Variants in HNRNPU observed in about 807,000 individuals in gnomAD.
HNRNPU encodes heterogeneous nuclear ribonucleoprotein U.
Under a neutral mutation model 94.7 loss-of-function variants are expected in HNRNPU, and 5 were observed. That is an observed-to-expected ratio of 0.05 (90% CI 0.03 to 0.11). HNRNPU has a LOEUF of 0.11. Ranked by LOEUF, HNRNPU falls within the 10% of genes least tolerant of loss-of-function variation. The probability of loss-of-function intolerance (pLI) is 1.00; values close to 1 mark genes in which losing one functional copy is unlikely to be tolerated. For missense variants in HNRNPU, 710 were observed against 1,049.2 expected (o/e 0.68, Z 4.47); for synonymous variants, 434 against 381.6 (o/e 1.14, Z -1.60).
chr1:244,854,890 G>T, intron 13 of HNRNPU, 83 bp downstream of exon 13: 1 of 1,127,022 alleles, frequency 8.9e-7, no homozygotes, highest in Non-Finnish European at 1.4e-6. Flanking sequence ...TTCAATCCCT[G>T]AACAAGATCT....
In HNRNPU at chr1:244,856,161, G is replaced by A. The variant is rs1424457995; in HGVS notation, c.1913-3C>T. 1 of 1,599,842 alleles carries A rather than the reference G, an allele frequency of 6.3e-7. No individual in the cohort carries two copies. The highest frequency in any genetic ancestry group is 8.5e-7 in the Non-Finnish European group (1 of 1,175,448). ...TACCTCTGGGAGGGTAAAGTTTCCT[G>A]CAGGAAACAAAGTCATATTATTAAT... On this transcript the variant is annotated splice_region_variant and splice_polypyrimidine_tract_variant and intron_variant, in intron 10 of 13. Transcript: ENST00000640218.
In HNRNPU at chr1:244,855,008, T is replaced by A. The variant is rs755483933; in HGVS notation, c.2389A>T (p.Asn797Tyr). The change falls in exon 13 of 14, where the codon AAT (asparagine) becomes TAT (tyrosine). Residue 797 changes from asparagine to tyrosine, a missense_variant. Around this residue, in one of 8 missense-constraint regions of HNRNPU, gnomAD observed 152 missense variants for 238.9 expected, o/e 0.64. Transcript: ENST00000640218. Reference sequence around the variant, plus strand: ...CACTGGTTGTAGCCCTGAGATTGATTTTTGTAGCCACGATTGTTTCCTCGT... The same window carrying A: ...CACTGGTTGTAGCCCTGAGATTGATATTTGTAGCCACGATTGTTTCCTCGT... Reference protein sequence around the residue: ...RGRGNNRGYKNQSQGYNQWQQ... With the variant: ...RGRGNNRGYKYQSQGYNQWQQ... 1 of 1,613,972 alleles carries A rather than the reference T, an allele frequency of 6.2e-7. No individual in the cohort carries two copies. Among genetic ancestry groups the A allele is most frequent in the South Asian group, 1.1e-5 (1 of 91,078 alleles).
rs896290678 is a variant in HNRNPU, at chr1:244,853,957, TAC to T, written c.*491_*492del. ...TTACCCCCTCCACTACCCAGCAAACTACAGAGAGGATGGAGTGTAATATGAGC... is the reference window on the plus strand; with the variant it reads ...TTACCCCCTCCACTACCCAGCAAACTAGAGAGGATGGAGTGTAATATGAGC... On this transcript the variant is annotated 3_prime_UTR_variant, in exon 14 of 14. Transcript: ENST00000640218. The T allele has an allele frequency of 1.2e-3, 182 of 153,334 alleles. No individual in the cohort carries two copies. Among genetic ancestry groups the T allele is most frequent in the African/African-American group, 3.1e-3 (128 of 41,554 alleles). The allele number at this position is 153,334 out of a possible 1,614,324, so 9.5% of individuals were successfully genotyped here. A position where few individuals can be genotyped will look rare whatever the true frequency, so the allele number is the denominator to read the frequency against.
Position 244,855,907 on chromosome 1 carries a change from C to T in HNRNPU, c.2164G>A (p.Gly722Arg), listed in dbSNP as rs1475137624. The change falls in exon 11 of 14, where the codon GGA (glycine) becomes AGA (arginine). Residue 722 changes from glycine (G) to arginine (R), a missense_variant. Coordinates refer to ENST00000640218, the MANE Select transcript of HNRNPU (RefSeq NM_031844.3). The stretch of plus-strand genomic sequence containing the variant: ...AGAACACTCAAAATTAACTTGCCTC[C>T]TCCTCTGAAATTTCCACCACGCATA... Reference protein sequence around the residue: ...FNMRGGNFRGGAPGNRGGYNR... With the variant: ...FNMRGGNFRGRAPGNRGGYNR... 4.3e-6 allele frequency: 7 copies of T among 1,613,456 alleles called. No homozygotes were observed. The highest frequency in any genetic ancestry group is 5.9e-6 in the Non-Finnish European group (7 of 1,179,760).
In HNRNPU at chr1:244,852,092, G is replaced by A. The variant is rs1680562792; in HGVS notation, c.*2358C>T. Reference sequence around the variant, plus strand: ...TGTTCAGAGTTTTGCTTGCCATTAGGGAGGCAAGGGAAGGATGAGCAATAA... The same window carrying A: ...TGTTCAGAGTTTTGCTTGCCATTAGAGAGGCAAGGGAAGGATGAGCAATAA... On this transcript the variant is annotated 3_prime_UTR_variant, in exon 14 of 14. Transcript: ENST00000640218. 6.6e-6 allele frequency: 1 copy of A among 152,086 alleles called. No homozygotes were observed. Among genetic ancestry groups the A allele is most frequent in the Non-Finnish European group, 1.5e-5 (1 of 68,016 alleles). 9.4% of individuals were successfully genotyped at this position (152,086 alleles called of 1,614,324 possible). A position where few individuals can be genotyped will look rare whatever the true frequency, so the allele number is the denominator to read the frequency against.
rs1193227922 is a variant in HNRNPU at position 244,855,060 on chromosome 1, A to T, written c.2353-16T>A. 4 of 1,604,022 alleles carry T rather than the reference A, an allele frequency of 2.5e-6. No individual in the cohort carries two copies. The highest frequency in any genetic ancestry group is 3.4e-6 in the Non-Finnish European group (4 of 1,170,978). ...CTCTGAAGTTCTACAAAAAGGAAAT[A>T]CTCTCTAAGAGCTCTGAGCCCAATT... On this transcript the variant is annotated splice_polypyrimidine_tract_variant and intron_variant, in intron 12 of 13. Coordinates refer to ENST00000640218, the MANE Select transcript of HNRNPU (RefSeq NM_031844.3).
rs929910323 is a variant in HNRNPU, at chr1:244,852,435, A to C, written c.*2015T>G. 7.2e-5 allele frequency: 11 copies of C among 152,204 alleles called. No homozygotes were observed. Among genetic ancestry groups the C allele is most frequent in the African/African-American group, 2.4e-4 (10 of 41,462 alleles). 9.4% of individuals were successfully genotyped at this position (152,204 alleles called of 1,614,324 possible). ...CAATTTTAAACTAGAAGATATATCCAAAACTTTTTAAAGGCACAAAGGACA... is the reference window on the plus strand; with the variant it reads ...CAATTTTAAACTAGAAGATATATCCCAAACTTTTTAAAGGCACAAAGGACA... On this transcript the variant is annotated 3_prime_UTR_variant, in exon 14 of 14. Coordinates refer to ENST00000640218, the MANE Select transcript of HNRNPU (RefSeq NM_031844.3).
intron 13 of HNRNPU, 162 bp from the exon 14 acceptor site, chr1:244,854,665 A>G (rs1172993049): frequency 1.8e-5 from 11 of 611,164 alleles, no homozygotes; most frequent in East Asian, 2.7e-5. Context: ...TTAATATCCC[A>G]TAATTATCAA....
Position 244,863,663 on chromosome 1 carries a change from C to G in HNRNPU, c.645G>C (p.Lys215Asn). 1 of 1,560,426 alleles carries G rather than the reference C, an allele frequency of 6.4e-7. No individual in the cohort carries two copies. The highest frequency in any genetic ancestry group is 8.6e-7 in the Non-Finnish European group (1 of 1,164,324). Residue 215 changes from lysine to asparagine, a missense_variant, in exon 1 of 14, where the codon AAG becomes AAC. This residue lies in a region of HNRNPU where 292 missense variants were observed against 293.4 expected (regional missense o/e 1.00). Coordinates refer to ENST00000640218, the MANE Select transcript of HNRNPU (RefSeq NM_031844.3). ...QGQQQAGGKKKAEGGGGGGRP... is the reference protein window; with the variant it reads ...QGQQQAGGKKNAEGGGGGGRP... ...GACCGCCGCCTCCGCCGCCTTCCGCCTTCTTCTTACCTCCCGCCTGCTGCT... is the reference window on the plus strand; with the variant it reads ...GACCGCCGCCTCCGCCGCCTTCCGCGTTCTTCTTACCTCCCGCCTGCTGCT...
chr1:244,850,810 A>C lies in HNRNPU; in HGVS notation c.*3640T>G, dbSNP rs1383784490. On this transcript the variant is annotated 3_prime_UTR_variant, in exon 14 of 14. Transcript: ENST00000640218. The stretch of plus-strand genomic sequence containing the variant: ...AACACCTCAACCTCAGAGCTCCAGA[A>C]TTAGGAATGAATGACAAAGTTTAGA... 6.6e-6 allele frequency: 1 copy of C among 152,220 alleles called. No homozygotes were observed. Among genetic ancestry groups the C allele is most frequent in the Non-Finnish European group, 1.5e-5 (1 of 68,040 alleles). The allele number at this position is 152,220 out of a possible 1,614,324, so 9.4% of individuals were successfully genotyped here.
At chr1:244,855,129 C>T in intron 12 of HNRNPU, 85 bp from the exon 13 acceptor site, 2 of 1,058,154 alleles carry the variant, frequency 1.9e-6, no homozygotes, top group Non-Finnish European at 3.0e-6. Context: ...CAGAAATGGA[C>T]AGGTTGCTAG....
rs1680942008 is a variant in HNRNPU at position 244,864,294 on chromosome 1, G to A, written c.14C>T (p.Pro5Leu). The A allele has an allele frequency of 1.9e-6, 3 of 1,612,926 alleles. No individual in the cohort carries two copies. The highest frequency in any genetic ancestry group is 2.5e-6 in the Non-Finnish European group (3 of 1,179,720). The change falls in exon 1 of 14, where the codon CCT (proline) becomes CTT (leucine). Residue 5 changes from proline (P) to leucine (L), a missense_variant. Around this residue, in one of 8 missense-constraint regions of HNRNPU, gnomAD observed 19 missense variants for 47.7 expected, o/e 0.40. Transcript: ENST00000640218. The part of the protein sequence containing the change: MSSS[P>L]VNVKKLKVSE... The stretch of plus-strand genomic sequence containing the variant: ...CACCTTCAGCTTTTTTACATTAACA[G>A]GCGAGGAACTCATGGTGAGGGCCCC...
chr1:244,855,848 A>G, intron 11 of HNRNPU, 56 bp downstream of exon 11: 1 of 1,582,590 alleles, frequency 6.3e-7, no homozygotes, highest in African/African-American at 1.4e-5. Flanking sequence ...CCAAACTATA[A>G]AATTATCACT....
chr1:244,855,262 C>CA, intron 12 of HNRNPU, 162 bp downstream of exon 12: 2 of 800,934 alleles, frequency 2.5e-6, no homozygotes, highest in Non-Finnish European at 2.1e-6. Context: ...TGAAAAAACT[C>CA]AAAAGTAAGT....
chr1:244,860,354 T>C lies in HNRNPU; in HGVS notation c.998A>G (p.Lys333Arg), dbSNP rs747886979. 2 of 1,608,282 alleles carry C rather than the reference T, an allele frequency of 1.2e-6. No individual in the cohort carries two copies. Among genetic ancestry groups the C allele is most frequent in the African/African-American group, 1.3e-5 (1 of 74,566 alleles). ...ATTTACCTTCATCTCAAAACACACT[T>C]TGCCTTTTGACACACCATAGGATGC... ...GRASYGVSKG[K>R]VCFEMKVTEK... The change falls in exon 4 of 14, where the codon AAA becomes AGA. Residue 333 changes from lysine to arginine, a missense_variant. Physicochemically the swap from Lys to Arg is conservative, Grantham distance 26. This residue lies in a region of HNRNPU where 31 missense variants were observed against 86.8 expected (regional missense o/e 0.36). Transcript: ENST00000640218.
intron 3 of HNRNPU, chr1:244,861,016 T>TTA (rs1281293844): frequency 1.3e-5 from 2 of 153,032 alleles, no homozygotes; most frequent in African/African-American, 4.8e-5. Flanking sequence ...TCTAATGCTG[T>TTA]TAATAGTGCA....
At chr1:244,862,122 A>G (rs149649887) in intron 3 of HNRNPU, 4 of 212,246 alleles carry the variant, frequency 1.9e-5, no homozygotes, top group Non-Finnish European at 3.7e-5. Context: ...AAAAAAATGA[A>G]TTACTTTATT....
intron 4 of HNRNPU, 78 bp downstream of exon 4, chr1:244,860,257 C>A (rs908600207): frequency 1.5e-6 from 2 of 1,321,466 alleles, no homozygotes; most frequent in Non-Finnish European, 2.1e-6. Context: ...GCCTAGGTCG[C>A]ACCACGGCAA....
rs1211790834 is a variant in HNRNPU at position 244,851,757 on chromosome 1, T to TCAGAGC, written c.*2687_*2692dup. On this transcript the variant is annotated 3_prime_UTR_variant, in exon 14 of 14. Transcript: ENST00000640218. The stretch of plus-strand genomic sequence containing the variant: ...CATCTCGCTCAAGGCCATCAACCGG[T>TCAGAGC]CAGAGCCAGAGCCCTTCAAAGGCTG... 6.6e-6 allele frequency: 1 copy of TCAGAGC among 152,192 alleles called. No homozygotes were observed. Among genetic ancestry groups the TCAGAGC allele is most frequent in the East Asian group, 1.9e-4 (1 of 5,202 alleles). The allele number at this position is 152,192 out of a possible 1,614,324, so 9.4% of individuals were successfully genotyped here.
Sources: allele counts gnomAD v4.1 joint callset, GRCh38; gene constraint gnomAD v4.1.1; regional missense constraint gnomAD v4.1.1; transcripts MANE v1.5; gene names NCBI Gene and HGNC (gene_info 2026-07-23, HGNC 2026-07-21).